The following ZFAT variants were observed in gnomAD, a reference collection of about 807,000 sequenced individuals.
ZFAT encodes the protein zinc finger and AT-hook domain containing.
A neutral mutation model predicts 117.7 loss-of-function variants in ZFAT; 64 were observed. The ratio of observed to expected loss-of-function variants is 0.54; its 90% CI spans 0.44 to 0.67. The LOEUF (loss-of-function observed/expected upper bound fraction) is 0.67, where lower values mean the gene tolerates loss of function less well. Among genes scored for constraint, ZFAT ranks in the 30% least tolerant of loss-of-function variants. ZFAT has a pLI of 0.00. For synonymous variants in ZFAT, 679 were observed against 615.0 expected (o/e 1.10, Z -1.54); for missense variants, 1,433 against 1,584.5 (o/e 0.90, Z 1.62).
At chr8:134,618,545 C>T (rs1226942231) in intron 3 of ZFAT, among the ~76,000 whole-genome samples, 1 of 152,166 alleles carries the variant, frequency 6.6e-6, no homozygotes, top group South Asian at 2.1e-4. Context: ...TTGCTGGTTA[C>T]CCCCTCCTCA....
At chr8:134,677,071 A>G (rs548181001) in intron 1 of ZFAT, among the ~76,000 whole-genome samples, 2 of 152,352 alleles carry the variant, frequency 1.3e-5, no homozygotes, top group Non-Finnish European at 2.9e-5. Flanking sequence ...AAGCTAGCAG[A>G]AGACAAGAAA....
chr8:134,539,577 G>A (rs16905169), intron 11 of ZFAT, among the ~76,000 whole-genome samples: 1,880 of 152,292 alleles, frequency 0.012, 35 homozygotes, highest in African/African-American at 0.043. Flanking sequence ...GGCTGATGTA[G>A]TAATAGAGAT....
At chr8:134,823,124 G>C in the ZFAT span, among the ~76,000 whole-genome samples, 1 of 152,080 alleles carries the variant, frequency 6.6e-6, no homozygotes, top group Non-Finnish European at 1.5e-5. Context: ...TCAATGATAA[G>C]CTCAGAAATC....
the ZFAT span, among the ~76,000 whole-genome samples, chr8:134,742,342 G>A: frequency 3.9e-5 from 6 of 152,122 alleles, no homozygotes; most frequent in Non-Finnish European, 8.8e-5. Flanking sequence ...TCCCAGAACC[G>A]CTGGGTCAAC....
the ZFAT span, among the ~76,000 whole-genome samples, chr8:134,815,496 C>G: frequency 6.6e-6 from 1 of 152,188 alleles, no homozygotes; most frequent in African/African-American, 2.4e-5. Context: ...ACATTTCCAT[C>G]TAATGATCAC....
chr8:134,565,733 G>T (rs1434251233), intron 10 of ZFAT: 11 of 433,262 alleles, frequency 2.5e-5, no homozygotes, highest in Admixed American at 1.6e-4. Flanking sequence ...AGAGAGAAGG[G>T]CATCAAGGGA....
At chr8:134,585,194 A>G (rs1391195381) in intron 9 of ZFAT, among the ~76,000 whole-genome samples, 1 of 152,100 alleles carries the variant, frequency 6.6e-6, no homozygotes, top group Non-Finnish European at 1.5e-5. Flanking sequence ...ACACACTCTC[A>G]CAAGAGCAGG....
chr8:134,611,668 G>A (rs1348795768), intron 3 of ZFAT, among the ~76,000 whole-genome samples: 3 of 152,200 alleles, frequency 2.0e-5, no homozygotes, highest in African/African-American at 4.8e-5. Flanking sequence ...ACTGGAAATC[G>A]AGATTTACAT....
chr8:134,680,217 G>A (rs557569701), intron 1 of ZFAT, among the ~76,000 whole-genome samples: 13 of 140,958 alleles, frequency 9.2e-5, no homozygotes, highest in South Asian at 8.8e-4. Context: ...AGCCATGATC[G>A]CACCACTGTA....
chr8:134,715,873 A>G (rs1814206178), upstream of ZFAT, among the ~76,000 whole-genome samples: 1 of 152,224 alleles, frequency 6.6e-6, no homozygotes, highest in African/African-American at 2.4e-5. Context: ...TGAGAAATAG[A>G]CATTTACATG....
At chr8:134,626,903 G>A (rs1264367508) in intron 3 of ZFAT, among the ~76,000 whole-genome samples, 1 of 152,256 alleles carries the variant, frequency 6.6e-6, no homozygotes, top group Non-Finnish European at 1.5e-5. Flanking sequence ...TCACCAGGCA[G>A]ATGTTTGCCG....
intron 12 of ZFAT, among the ~76,000 whole-genome samples, chr8:134,529,674 G>C (rs952991094): frequency 6.6e-6 from 1 of 152,204 alleles, no homozygotes; most frequent in East Asian, 1.9e-4. Context: ...TGAAAGGTAC[G>C]TGGGAACCAA....
At chr8:134,544,156 C>T (rs145757099) in intron 11 of ZFAT, among the ~76,000 whole-genome samples, 2 of 152,302 alleles carry the variant, frequency 1.3e-5, no homozygotes, top group African/African-American at 4.8e-5. Flanking sequence ...TCCCCCAACA[C>T]CTGGTAAAGC....
chr8:134,655,633 G>A (rs1410854462), intron 2 of ZFAT, among the ~76,000 whole-genome samples: 2 of 151,970 alleles, frequency 1.3e-5, no homozygotes, highest in Middle Eastern at 3.4e-3. Context: ...GGGCAACAGA[G>A]TGAGACTCAG....
At chr8:134,665,212 A>G (rs1832150488) in intron 1 of ZFAT, among the ~76,000 whole-genome samples, 1 of 152,182 alleles carries the variant, frequency 6.6e-6, no homozygotes, top group Non-Finnish European at 1.5e-5. Flanking sequence ...CCTTGCACTT[A>G]GGGAGGGTTC....
chr8:134,772,540 T>C, the ZFAT span, among the ~76,000 whole-genome samples: 1 of 152,184 alleles, frequency 6.6e-6, no homozygotes, highest in Non-Finnish European at 1.5e-5. Context: ...AGTTGGAAGC[T>C]AGCAGAGGTT....
At chr8:134,769,719 A>C in the ZFAT span, among the ~76,000 whole-genome samples, 1 of 152,170 alleles carries the variant, frequency 6.6e-6, no homozygotes, top group Admixed American at 6.5e-5. Flanking sequence ...CCCTAGCAGA[A>C]GTTCTCCATG....
intron 1 of ZFAT, among the ~76,000 whole-genome samples, chr8:134,707,461 T>G (rs554705230): frequency 6.6e-6 from 1 of 152,104 alleles, no homozygotes; most frequent in South Asian, 2.1e-4. Flanking sequence ...ATAATAACCC[T>G]AAGGGGCAGA....
chr8:134,824,345 C>T, the ZFAT span, among the ~76,000 whole-genome samples: 2 of 152,168 alleles, frequency 1.3e-5, no homozygotes, highest in Admixed American at 6.5e-5. Flanking sequence ...AAAGTCTTAT[C>T]AGTCGTAATA....
Sources: allele counts gnomAD v4.1 joint callset (sites outside exome capture counted in the v4.1 genomes callset), GRCh38; gene constraint gnomAD v4.1.1; transcripts MANE v1.5; gene names NCBI Gene and HGNC (gene_info 2026-07-23, HGNC 2026-07-21).